The following UBE2G1 variants were observed in gnomAD, a reference collection of about 807,000 sequenced individuals.
UBE2G1 encodes the protein ubiquitin conjugating enzyme E2 G1.
UBE2G1 carries 5 observed loss-of-function variants against 22.7 expected under a neutral mutation model. The observed-to-expected ratio is 0.22, with a 90% CI of 0.12 to 0.46. The LOEUF is 0.46. UBE2G1 is among the 20% of genes least tolerant of loss of function. The pLI is 0.99. For synonymous variants in UBE2G1, 74 were observed against 67.5 expected, an observed-to-expected ratio of 1.10 and a Z score of -0.47; for missense variants, 88 against 203.9, an observed-to-expected ratio of 0.43 and a Z score of 3.46.
chr17:4,362,928 G>A (rs1969985861), intron 1 of UBE2G1, among the ~76,000 whole-genome samples: 1 of 152,064 alleles, frequency 6.6e-6, no homozygotes, highest in Non-Finnish European at 1.5e-5. Flanking sequence ...TTCGAGACCA[G>A]CCTGGCCAAC....
At chr17:4,328,297 A>G (rs746280968) in intron 1 of UBE2G1, among the ~76,000 whole-genome samples, 4 of 152,222 alleles carry the variant, frequency 2.6e-5, no homozygotes, top group Non-Finnish European at 5.9e-5. Flanking sequence ...TCACAAGTTA[A>G]TTTTTAAAGT....
At chr17:4,331,317 A>G (rs988955436) in intron 1 of UBE2G1, among the ~76,000 whole-genome samples, 4 of 152,208 alleles carry the variant, frequency 2.6e-5, no homozygotes, top group Non-Finnish European at 5.9e-5. Context: ...AGAAGCACTA[A>G]TTATAATTTA....
intron 2 of UBE2G1, among the ~76,000 whole-genome samples, chr17:4,304,927 C>T (rs1359229583): frequency 1.3e-5 from 2 of 150,984 alleles, no homozygotes; most frequent in African/African-American, 2.4e-5. Flanking sequence ...AACCTCACTA[C>T]TTTCTGCTAA....
At chr17:4,346,670 G>A (rs1419462417) in intron 1 of UBE2G1, among the ~76,000 whole-genome samples, 5 of 150,384 alleles carry the variant, frequency 3.3e-5, no homozygotes, top group African/African-American at 1.2e-4. Flanking sequence ...TCCTGACCTC[G>A]TGATCCACCC....
At chr17:4,285,865 C>A (rs772605189) in intron 4 of UBE2G1, among the ~76,000 whole-genome samples, 1 of 151,740 alleles carries the variant, frequency 6.6e-6, no homozygotes. Flanking sequence ...GCAGGAGGAT[C>A]GCTTGAACTT....
chr17:4,276,832 C>G (rs563322152), intron 5 of UBE2G1, among the ~76,000 whole-genome samples: 10 of 152,300 alleles, frequency 6.6e-5, no homozygotes, highest in African/African-American at 2.4e-4. Flanking sequence ...TGAACTAACT[C>G]AAGGCAGTTG....
chr17:4,302,432 C>T, intron 2 of UBE2G1: 1 of 505,186 alleles, frequency 2.0e-6, no homozygotes, highest in Non-Finnish European at 4.1e-6. Context: ...CCAACAGTGG[C>T]ATCTGTAGTT....
At chr17:4,284,158 CAAA>C (rs544931688) in intron 4 of UBE2G1, among the ~76,000 whole-genome samples, 5 of 108,978 alleles carry the variant, frequency 4.6e-5, no homozygotes, top group African/African-American at 8.8e-5. Context: ...CTCCGTCTCT[CAAA>C]AAAAAAAAAA....
At chr17:4,278,642 T>C (rs962299863) in intron 5 of UBE2G1, among the ~76,000 whole-genome samples, 1 of 152,206 alleles carries the variant, frequency 6.6e-6, no homozygotes, top group African/African-American at 2.4e-5. Flanking sequence ...GTATATTTAA[T>C]TCAATTTTTA....
intron 5 of UBE2G1, among the ~76,000 whole-genome samples, chr17:4,279,832 T>G (rs1395279876): frequency 9.2e-6 from 1 of 108,120 alleles, no homozygotes; most frequent in African/African-American, 3.5e-5. Flanking sequence ...TATATATATA[T>G]GAACCTCAGT....
intron 1 of UBE2G1, among the ~76,000 whole-genome samples, chr17:4,325,694 C>G (rs1969497958): frequency 6.6e-6 from 1 of 152,168 alleles, no homozygotes; most frequent in Non-Finnish European, 1.5e-5. Context: ...TTGGAGAACT[C>G]ACATGTCCTG....
intron 1 of UBE2G1, among the ~76,000 whole-genome samples, chr17:4,320,596 A>G (rs993511886): frequency 1.3e-5 from 2 of 152,214 alleles, no homozygotes; most frequent in African/African-American, 2.4e-5. Context: ...GTAGTAGAAT[A>G]TTTTCAACTT....
At chr17:4,356,290 A>G (rs896973169) in intron 1 of UBE2G1, among the ~76,000 whole-genome samples, 2 of 151,744 alleles carry the variant, frequency 1.3e-5, no homozygotes, top group Admixed American at 1.3e-4. Flanking sequence ...CCCAGGAGGC[A>G]GAGGTTGCAG....
At position 4,358,557 on chromosome 17, in the gene UBE2G1, T is replaced by G. The variant is rs540957946; in HGVS notation, c.46+7714A>C. ...GTTCTTCCAGTTTGTAGCTTGTCTT[T>G]GCATCCTCTTAACAGTCTTTAATCA... On this transcript the variant is annotated intron_variant, in intron 1 of 5. Coordinates refer to ENST00000396981, the MANE Select transcript of UBE2G1 (RefSeq NM_003342.5). 5.9e-5 allele frequency among the ~76,000 whole-genome samples: 9 copies of G among 152,350 alleles called. No homozygotes were observed. The East Asian group carries it at 1.5e-3, about 26-fold the overall frequency.
chr17:4,355,713 T>C (rs1194583853), intron 1 of UBE2G1, among the ~76,000 whole-genome samples: 1 of 150,752 alleles, frequency 6.6e-6, no homozygotes, highest in African/African-American at 2.4e-5. Flanking sequence ...ATTCTTTTTT[T>C]TTTTTTCTGA....
At chr17:4,354,758 C>G (rs1969885655) in intron 1 of UBE2G1, among the ~76,000 whole-genome samples, 2 of 151,988 alleles carry the variant, frequency 1.3e-5, no homozygotes, top group Admixed American at 6.6e-5. Context: ...TGGCAAAACC[C>G]TGTCTCTACC....
intron 5 of UBE2G1, 55 bp downstream of exon 5, chr17:4,282,743 A>G (rs1968910271): frequency 4.1e-6 from 5 of 1,208,810 alleles, no homozygotes; most frequent in Non-Finnish European, 5.8e-6. Flanking sequence ...CAATTTCCAA[A>G]AACTAATAGG....
chr17:4,333,442 G>A (rs370472999), intron 1 of UBE2G1, among the ~76,000 whole-genome samples: 5 of 152,076 alleles, frequency 3.3e-5, no homozygotes, highest in African/African-American at 9.7e-5. Context: ...TTGGGAGGTC[G>A]AGGCAGGCAG....
intron 1 of UBE2G1, among the ~76,000 whole-genome samples, chr17:4,328,858 G>C (rs1239214672): frequency 6.6e-6 from 1 of 152,224 alleles, no homozygotes; most frequent in South Asian, 2.1e-4. Context: ...AGGCCGGGGC[G>C]GGCAGATCAC....
Sources: allele counts gnomAD v4.1 joint callset (sites outside exome capture counted in the v4.1 genomes callset), GRCh38; gene constraint gnomAD v4.1.1; transcripts MANE v1.5; gene names NCBI Gene and HGNC (gene_info 2026-07-23, HGNC 2026-07-21).